The following SYNE2 variants were observed in gnomAD, a reference collection of about 807,000 sequenced individuals.
SYNE2 encodes spectrin repeat containing nuclear envelope protein 2, also known as nesprin-2.
SYNE2 carries 431 observed loss-of-function variants against 856.3 expected under a neutral mutation model. The ratio of observed to expected loss-of-function variants is 0.50; its 90% CI spans 0.47 to 0.55. The LOEUF (loss-of-function observed/expected upper bound fraction) is 0.55, where lower values mean the gene tolerates loss of function less well. Ranked by LOEUF, SYNE2 falls within the 20% of genes least tolerant of loss-of-function variation. SYNE2 has a pLI of 0.00. For missense variants in SYNE2, 8,129 were observed against 8,023.2 expected (o/e 1.01, Z -0.50); for synonymous variants, 2,923 against 2,872.3 (o/e 1.02, Z -0.56).
intron 99 of SYNE2, among the ~76,000 whole-genome samples, chr14:64,196,395 G>A (rs979988913): frequency 1.3e-5 from 2 of 152,170 alleles, no homozygotes; most frequent in African/African-American, 4.8e-5. Flanking sequence ...AACCCTGGGA[G>A]GAGCTAGCAA....
chr14:63,814,306 G>GAACAA (rs1424296263), intron 1 of SYNE2, among the ~76,000 whole-genome samples: 3 of 149,096 alleles, frequency 2.0e-5, no homozygotes, highest in East Asian at 2.0e-4. Context: ...ACAAAGAACA[G>GAACAA]AACAAAACAA....
Position 64,040,686 on chromosome 14 carries a change from CAT to C in SYNE2, c.7222-7301_7222-7300del, listed in dbSNP as rs148250797. On this transcript the variant is annotated intron_variant, in intron 45 of 115. Transcript: ENST00000555002. ...TATATATATGTGTATATATTTCTGC[CAT>C]ATATATATATATGGCAGAAAATAGG... Among the ~76,000 whole-genome samples, 1,086 of 142,828 alleles carry C rather than the reference CAT, an allele frequency of 7.6e-3. 14 individuals carry two copies. The highest frequency in any genetic ancestry group is 0.027 in the African/African-American group (1,042 of 39,024). 93.7% of individuals were successfully genotyped at this position (142,828 alleles called of 152,430 possible). A position where few individuals can be genotyped will look rare whatever the true frequency, so the allele number is the denominator to read the frequency against.
At chr14:64,037,409 G>A (rs367894619) in intron 45 of SYNE2, among the ~76,000 whole-genome samples, 5,337 of 151,842 alleles carry the variant, frequency 0.035, 147 homozygotes, top group Middle Eastern at 0.054. Context: ...TTAACCCTGA[G>A]TGGACACAGC....
intron 1 of SYNE2, among the ~76,000 whole-genome samples, chr14:63,861,310 A>G (rs566427402): frequency 6.3e-4 from 95 of 151,776 alleles, no homozygotes; most frequent in Middle Eastern, 3.4e-3. Context: ...ACGCCCAGCT[A>G]ATTTTTGTAT....
intron 48 of SYNE2, among the ~76,000 whole-genome samples, chr14:64,055,227 A>G (rs1314909793): frequency 3.3e-5 from 5 of 152,232 alleles, no homozygotes; most frequent in Non-Finnish European, 5.9e-5. Context: ...TTAAGGTTAT[A>G]TACATTAAAT....
In SYNE2 at chr14:64,024,449, C is replaced by G; in HGVS notation, c.5830C>G (p.Gln1944Glu). 1 of 1,613,802 alleles carries G rather than the reference C, an allele frequency of 6.2e-7. No individual in the cohort carries two copies. The highest frequency in any genetic ancestry group is 8.5e-7 in the Non-Finnish European group (1 of 1,179,794). The change falls in exon 39 of 116, where the codon CAG becomes GAG. Residue 1944 changes from glutamine to glutamate, a missense_variant. Transcript: ENST00000555002. ...AAAGGAGCTTGAAGACTCCTTGCAG[C>G]AGCTACTGAGGTAGGAAATAAAGAT... ...RAKELEDSLQ[Q>E]LLRLQDDHRN... is the part of the protein sequence containing the mutation.
At chr14:63,949,748 T>C (rs991773035) in intron 6 of SYNE2, 77 bp from the exon 7 acceptor site, 39 of 1,483,572 alleles carry the variant, frequency 2.6e-5, no homozygotes, top group Non-Finnish European at 3.3e-5. Context: ...TTTAGGTCTC[T>C]ATTTTGACTG....
At chr14:64,202,415 G>A (rs1044156245) in intron 99 of SYNE2, 27 of 642,358 alleles carry the variant, frequency 4.2e-5, no homozygotes, top group East Asian at 1.6e-4. Context: ...GCATACCCAC[G>A]GCAGAAACTG....
At chr14:64,132,571 G>A in intron 77 of SYNE2, 133 bp downstream of exon 77, 1 of 1,228,464 alleles carries the variant, frequency 8.1e-7, no homozygotes, top group Non-Finnish European at 1.2e-6. Context: ...GAGGAATGTG[G>A]ACCCCTGCTC....
chr14:63,872,080 G>C (rs759788046), intron 1 of SYNE2, among the ~76,000 whole-genome samples: 1 of 152,094 alleles, frequency 6.6e-6, no homozygotes, highest in African/African-American at 2.4e-5. Flanking sequence ...GGGCCCGGCC[G>C]TGTCAAGTTG....
chr14:63,953,568 A>C (rs1033692425), intron 7 of SYNE2, among the ~76,000 whole-genome samples: 2 of 152,156 alleles, frequency 1.3e-5, no homozygotes, highest in African/African-American at 4.8e-5. Context: ...ATAGATAGAT[A>C]GATGTAGATA....
intron 96 of SYNE2, 91 bp downstream of exon 96, chr14:64,177,574 T>G (rs570221898): frequency 6.6e-7 from 1 of 1,514,818 alleles, no homozygotes; most frequent in South Asian, 1.1e-5. Context: ...GTATTGAAAC[T>G]GAGTTTTCAT....
chr14:63,994,998 A>T, intron 22 of SYNE2, 46 bp from the exon 23 acceptor site: 1 of 1,255,070 alleles, frequency 8.0e-7, no homozygotes, highest in African/African-American at 1.5e-5. Context: ...ACTTTTTTGT[A>T]TATTTTGTTC....
At chr14:64,168,835 G>T in intron 92 of SYNE2, 42 bp from the exon 93 acceptor site, 1 of 1,344,562 alleles carries the variant, frequency 7.4e-7, no homozygotes, top group South Asian at 1.2e-5. Context: ...TTCATAAAAT[G>T]AATTTTACTA....
intron 6 of SYNE2, among the ~76,000 whole-genome samples, chr14:63,947,131 T>G (rs1276388960): frequency 6.6e-6 from 1 of 152,202 alleles, no homozygotes; most frequent in East Asian, 1.9e-4. Context: ...ATTGCAGGTG[T>G]GAGCCACCAT....
At chr14:63,802,172 T>C (rs1027515385) in intron 1 of SYNE2, among the ~76,000 whole-genome samples, 1 of 151,694 alleles carries the variant, frequency 6.6e-6, no homozygotes, top group African/African-American at 2.4e-5. Context: ...AGTGGCATAA[T>C]CTTGGCTTAC....
At chr14:64,089,480 C>G (rs2097590501) in intron 58 of SYNE2, 94 bp from the exon 59 acceptor site, 1 of 1,219,424 alleles carries the variant, frequency 8.2e-7, no homozygotes, top group Admixed American at 2.2e-5. Context: ...CATTATTTGG[C>G]TAAATAAGAG....
At position 64,225,533 on chromosome 14, in the gene SYNE2, T is replaced by C; in HGVS notation, c.*7T>C. ...TGGGCCACCCCCCACATAGAGGGCA[T>C]AGCTGGCCACAGTGCTACACCACCT... is the stretch of plus-strand genomic sequence containing the variant. On this transcript the variant is annotated 3_prime_UTR_variant, in exon 116 of 116. Transcript: ENST00000555002. 6.2e-7 allele frequency: 1 copy of C among 1,613,646 alleles called. No individual in the cohort carries two copies. Among genetic ancestry groups the C allele is most frequent in the Non-Finnish European group, 8.5e-7 (1 of 1,179,738 alleles).
chr14:64,156,888 C>A (rs770464010), intron 85 of SYNE2, among the ~76,000 whole-genome samples: 19 of 152,192 alleles, frequency 1.2e-4, no homozygotes, highest in Non-Finnish European at 2.5e-4. Context: ...GGTTTTTTAT[C>A]CAGCCCTGTT....
Sources: allele counts gnomAD v4.1 joint callset (sites outside exome capture counted in the v4.1 genomes callset), GRCh38; gene constraint gnomAD v4.1.1; transcripts MANE v1.5; gene names NCBI Gene and HGNC (gene_info 2026-07-23, HGNC 2026-07-21).